DPYD: variants seen among roughly 807,000 people sequenced by gnomAD.
DPYD encodes dihydropyrimidine dehydrogenase [NADP(+)].
In DPYD, 109 loss-of-function variants were observed where a neutral mutation model predicts 116.2. That is an observed-to-expected ratio of 0.94 (90% CI 0.80 to 1.10). DPYD has a LOEUF of 1.10. Among genes scored for constraint, DPYD ranks in the 50% least tolerant of loss-of-function variants. The pLI, the probability that DPYD is intolerant of heterozygous loss-of-function variation, is 0.00. For synonymous variants in DPYD, 440 were observed against 432.0 expected (o/e 1.02, Z -0.23); for missense variants, 1,302 against 1,254.5 (o/e 1.04, Z -0.57).
intron 11 of DPYD, among the ~76,000 whole-genome samples, chr1:97,563,623 A>G (rs924262427): frequency 2.6e-5 from 4 of 152,208 alleles, no homozygotes; most frequent in Non-Finnish European, 5.9e-5. Context: ...GAAAATAAAG[A>G]TAAGGAAAGG....
intron 13 of DPYD, among the ~76,000 whole-genome samples, chr1:97,493,794 C>T (rs1570832592): frequency 6.6e-6 from 1 of 152,120 alleles, no homozygotes; most frequent in Non-Finnish European, 1.5e-5. Flanking sequence ...CCTACAGAAA[C>T]CTAAATTCTA....
chr1:97,184,643 C>A (rs1016232843), intron 20 of DPYD, among the ~76,000 whole-genome samples: 1 of 152,092 alleles, frequency 6.6e-6, no homozygotes, highest in East Asian at 1.9e-4. Context: ...TTTTTACATG[C>A]CATTGTAAAT....
intron 7 of DPYD, among the ~76,000 whole-genome samples, chr1:97,684,048 G>C (rs1433517187): frequency 6.6e-6 from 1 of 152,110 alleles, no homozygotes; most frequent in Non-Finnish European, 1.5e-5. Context: ...GTTCCACTCT[G>C]ATCTTGCTTA....
At chr1:97,403,400 A>AT (rs1165301780) in intron 14 of DPYD, among the ~76,000 whole-genome samples, 1 of 151,990 alleles carries the variant, frequency 6.6e-6, no homozygotes, top group African/African-American at 2.4e-5. Flanking sequence ...ATTGGTAGGA[A>AT]TTTTTCTTAA....
At chr1:97,092,390 C>A (rs114414312) in intron 21 of DPYD, among the ~76,000 whole-genome samples, 1,764 of 152,236 alleles carry the variant, frequency 0.012, 37 homozygotes, top group African/African-American at 0.04. Flanking sequence ...CAAAATGAAA[C>A]AATACAAAGT....
chr1:97,269,147 C>G (rs748738890), intron 18 of DPYD, among the ~76,000 whole-genome samples: 1 of 152,168 alleles, frequency 6.6e-6, no homozygotes, highest in African/African-American at 2.4e-5. Context: ...AATTCTACCA[C>G]ATTTTTTTTT....
At chr1:97,144,629 C>A (rs1484287585) in intron 20 of DPYD, among the ~76,000 whole-genome samples, 2 of 152,074 alleles carry the variant, frequency 1.3e-5, no homozygotes, top group Non-Finnish European at 2.9e-5. Flanking sequence ...CAAAAAGTGA[C>A]AGGGTTGTTG....
At chr1:97,244,363 G>A (rs1484729896) in intron 18 of DPYD, among the ~76,000 whole-genome samples, 1 of 151,926 alleles carries the variant, frequency 6.6e-6, no homozygotes, top group East Asian at 1.9e-4. Context: ...ATAGTGCTAT[G>A]GCATTATGTT....
rs191799311 is a variant in DPYD, at chr1:97,149,445, G to T, written c.2622+43624C>A. Among the ~76,000 whole-genome samples the T allele has an allele frequency of 3.8e-3, 575 of 152,196 alleles. 7 individuals carry two copies. The highest frequency in any genetic ancestry group is 0.013 in the African/African-American group (552 of 41,534). ...TTTTTGTATTTTTAGTAGAGACAGGGTTTCACCATGTTGGCCAGGCTGGCC... is the reference window on the plus strand; with the variant it reads ...TTTTTGTATTTTTAGTAGAGACAGGTTTTCACCATGTTGGCCAGGCTGGCC... On this transcript the variant is annotated intron_variant, in intron 20 of 22. Transcript: ENST00000370192.
chr1:97,081,617 C>A lies in DPYD; in HGVS notation c.2907+713G>T, dbSNP rs1045821256. Among the ~76,000 whole-genome samples, 7 of 151,392 alleles carry A rather than the reference C, an allele frequency of 4.6e-5. 1 individual carries two copies. The highest frequency in any genetic ancestry group is 1.7e-4 in the African/African-American group (7 of 41,290). ...GTAAATGAAGAAGCAAATTATAAGC[C>A]AAAGAGAAATTCACAGAATGTGTTT... On this transcript the variant is annotated intron_variant, in intron 22 of 22. Transcript: ENST00000370192.
intron 14 of DPYD, among the ~76,000 whole-genome samples, chr1:97,403,754 G>A (rs1673498577): frequency 6.6e-6 from 1 of 151,688 alleles, no homozygotes; most frequent in South Asian, 2.1e-4. Flanking sequence ...CAAATAATCA[G>A]ATTTTGTTGA....
chr1:97,506,296 A>G (rs775555802), intron 13 of DPYD, among the ~76,000 whole-genome samples: 7 of 151,898 alleles, frequency 4.6e-5, no homozygotes, highest in Non-Finnish European at 7.4e-5. Context: ...CAATAAAGAA[A>G]ATACAAAGGC....
In DPYD at chr1:97,097,560, C is replaced by G. The variant is rs190778890; in HGVS notation, c.2766+929G>C. Among the ~76,000 whole-genome samples the G allele has an allele frequency of 2.0e-4, 30 of 152,202 alleles. 1 individual carries two copies. The highest frequency in any genetic ancestry group is 6.5e-4 in the African/African-American group (27 of 41,548). On this transcript the variant is annotated intron_variant, in intron 21 of 22. Transcript: ENST00000370192. The stretch of plus-strand genomic sequence containing the variant: ...TCAGACAGAATGCCATCCAGTAACA[C>G]CTCCATTTTTCTCATTATGACTGCT...
At chr1:97,525,758 TAGAGAGAGAGAGAG>T (rs58098297) in intron 12 of DPYD, among the ~76,000 whole-genome samples, 3 of 108,714 alleles carry the variant, frequency 2.8e-5, no homozygotes, top group Non-Finnish European at 3.7e-5. Flanking sequence ...CCTGGGTAAT[TAGAGAGAGAGAGAG>T]AGAGAGAGAG....
intron 2 of DPYD, among the ~76,000 whole-genome samples, chr1:97,862,071 A>G (rs1350741241): frequency 1.3e-5 from 2 of 152,042 alleles, no homozygotes; most frequent in African/African-American, 4.8e-5. Context: ...GAAAATTAGA[A>G]CAATCTCAGT....
intron 18 of DPYD, among the ~76,000 whole-genome samples, chr1:97,297,768 A>G (rs560824516): frequency 5.9e-5 from 9 of 152,210 alleles, no homozygotes; most frequent in Non-Finnish European, 1.3e-4. Flanking sequence ...GAGAGCTGTT[A>G]TTTCTCAATA....
intron 3 of DPYD, chr1:97,774,962 C>A: frequency 2.9e-6 from 1 of 342,582 alleles, no homozygotes; most frequent in Admixed American, 3.4e-5. Context: ...CACCTCACTG[C>A]ATGCCAAACT....
chr1:97,696,466 A>G (rs1661313451), intron 6 of DPYD, among the ~76,000 whole-genome samples: 1 of 152,162 alleles, frequency 6.6e-6, no homozygotes, highest in South Asian at 2.1e-4. Flanking sequence ...AGTAAATGAG[A>G]TTATTCTGAA....
chr1:97,739,324 A>AT (rs1362108582), intron 4 of DPYD, among the ~76,000 whole-genome samples: 1 of 152,104 alleles, frequency 6.6e-6, no homozygotes, highest in Admixed American at 6.6e-5. Context: ...ACTCTGTAAG[A>AT]TAGATGCTAC....
Sources: gnomAD v4.1 joint callset for allele counts (sites outside exome capture counted in the v4.1 genomes callset) on GRCh38, gnomAD v4.1.1 for gene constraint, MANE v1.5 for transcripts, NCBI Gene and HGNC (gene_info 2026-07-23, HGNC 2026-07-21) for gene names.